PHACTR3: variants seen among roughly 807,000 people sequenced by gnomAD.
PHACTR3 encodes the protein protein phosphatase 1, regulatory subunit 123.
Under a neutral mutation model 66.8 loss-of-function variants are expected in PHACTR3, and 16 were observed. The ratio of observed to expected loss-of-function variants is 0.24; its 90% CI spans 0.16 to 0.36. The LOEUF is 0.36. Ranked by LOEUF, PHACTR3 falls within the 10% of genes least tolerant of loss-of-function variation. The pLI is 1.00. For missense variants in PHACTR3, 647 were observed against 719.9 expected (o/e 0.90, Z 1.16); for synonymous variants, 323 against 292.1 (o/e 1.11, Z -1.08).
intron 1 of PHACTR3, among the ~76,000 whole-genome samples, chr20:59,598,140 C>T (rs954860187): frequency 2.6e-5 from 4 of 152,170 alleles, no homozygotes; most frequent in African/African-American, 7.2e-5. Flanking sequence ...CCTTCCCTGT[C>T]GAAAGCCTCC....
intron 1 of PHACTR3, chr20:59,628,012 T>G (rs577237645): frequency 6.6e-6 from 1 of 152,364 alleles, no homozygotes; most frequent in South Asian, 2.1e-4. Flanking sequence ...AGTGCTTGCT[T>G]CCTTCTGCCC....
intron 8 of PHACTR3, among the ~76,000 whole-genome samples, chr20:59,810,581 G>C (rs755911242): frequency 2.0e-5 from 3 of 152,196 alleles, no homozygotes; most frequent in Admixed American, 6.5e-5. Flanking sequence ...CCATGGCAAC[G>C]TGCCATCTAC....
At chr20:59,769,909 T>G (rs2040307084) in intron 5 of PHACTR3, among the ~76,000 whole-genome samples, 2 of 152,234 alleles carry the variant, frequency 1.3e-5, no homozygotes, top group Non-Finnish European at 2.9e-5. Context: ...TACTTTGCAT[T>G]TTGTTATTGT....
At chr20:59,839,530 T>G (rs550125017) in intron 9 of PHACTR3, among the ~76,000 whole-genome samples, 3 of 152,326 alleles carry the variant, frequency 2.0e-5, no homozygotes, top group Admixed American at 1.3e-4. Context: ...TGGAGCTATG[T>G]TCAGGTCAGG....
intron 1 of PHACTR3, among the ~76,000 whole-genome samples, chr20:59,723,720 G>A (rs187230935): frequency 6.6e-6 from 1 of 152,066 alleles, no homozygotes; most frequent in Non-Finnish European, 1.5e-5. Flanking sequence ...GGAGTCGAAT[G>A]GTCATATGGC....
intron 1 of PHACTR3, among the ~76,000 whole-genome samples, chr20:59,611,130 T>C (rs892828662): frequency 6.6e-6 from 1 of 152,244 alleles, no homozygotes; most frequent in Non-Finnish European, 1.5e-5. Flanking sequence ...TGTGTGACTT[T>C]GGGCAAGTCA....
In PHACTR3 at chr20:59,774,206, G is replaced by T. The variant is rs539989155; in HGVS notation, c.927-37G>T. On this transcript the variant is annotated intron_variant, in intron 6 of 12. Transcript: ENST00000371015. Reference sequence around the variant, plus strand: ...AATCGTGCTGGGTTTCTGGGTGAAGGGGGTGACCTATAACCTGAACCATCT... The same window carrying T: ...AATCGTGCTGGGTTTCTGGGTGAAGTGGGTGACCTATAACCTGAACCATCT... 5 of 1,531,110 alleles carry T rather than the reference G, an allele frequency of 3.3e-6. No individual in the cohort carries two copies. The South Asian group carries it at 5.3e-5, about 16-fold the overall frequency. 94.8% of individuals were successfully genotyped at this position (1,531,110 alleles called of 1,614,324 possible).
chr20:59,743,117 C>T lies in PHACTR3; in HGVS notation c.129C>T (p.Asp43=). The T allele has an allele frequency of 6.2e-7, 1 of 1,613,270 alleles. No individual in the cohort carries two copies. The highest frequency in any genetic ancestry group is 8.5e-7 in the Non-Finnish European group (1 of 1,179,658). ...ADAGENPDEM[D]QTPPARPEYL... is the part of the protein sequence containing the mutation. ...GTTTTCGTCTTCCAGATGAGATGGA[C>T]CAAACGCCCCCGGCGCGTCCTGAAT... Residue 43 remains aspartate, a synonymous_variant, in exon 2 of 13, where the codon GAC becomes GAT. Coordinates refer to ENST00000371015, the MANE Select transcript of PHACTR3 (RefSeq NM_080672.5).
At chr20:59,777,455 G>C (rs946362) in intron 7 of PHACTR3, among the ~76,000 whole-genome samples, 57,084 of 151,918 alleles carry the variant, frequency 0.38, 13,165 homozygotes, top group East Asian at 0.68. Flanking sequence ...CCATCCCTGA[G>C]ATCTCTGTGG....
At chr20:59,802,279 G>A (rs1449818704) in intron 7 of PHACTR3, among the ~76,000 whole-genome samples, 1 of 152,164 alleles carries the variant, frequency 6.6e-6, no homozygotes, top group African/African-American at 2.4e-5. Context: ...GGTCATATAG[G>A]AAGCAAATGT....
At chr20:59,757,549 T>C (rs2146830931) in intron 4 of PHACTR3, among the ~76,000 whole-genome samples, 1 of 152,198 alleles carries the variant, frequency 6.6e-6, no homozygotes, top group East Asian at 1.9e-4. Context: ...GCATGAGCTC[T>C]GCAGGCTGGA....
At chr20:59,832,122 C>T (rs11908615) in intron 8 of PHACTR3, among the ~76,000 whole-genome samples, 6,291 of 152,232 alleles carry the variant, frequency 0.041, 396 homozygotes, top group African/African-American at 0.13. Flanking sequence ...CTGGTGTTGC[C>T]GGTGTTCCTC....
intron 1 of PHACTR3, among the ~76,000 whole-genome samples, chr20:59,589,982 C>T (rs978696367): frequency 6.6e-6 from 1 of 152,254 alleles, no homozygotes; most frequent in Non-Finnish European, 1.5e-5. Context: ...GCTCTTCCCT[C>T]CGCTTCTGTA....
At chr20:59,594,830 T>C (rs944204736) in intron 1 of PHACTR3, among the ~76,000 whole-genome samples, 1 of 152,208 alleles carries the variant, frequency 6.6e-6, no homozygotes, top group Non-Finnish European at 1.5e-5. Context: ...ATCTGCTTGC[T>C]TTGGATTTAA....
intron 7 of PHACTR3, among the ~76,000 whole-genome samples, chr20:59,800,918 C>A (rs904654385): frequency 1.4e-5 from 2 of 147,774 alleles, no homozygotes; most frequent in Non-Finnish European, 2.9e-5. Context: ...AGAGGCAGAA[C>A]CCCGTGTACT....
chr20:59,732,230 G>C (rs977353811), intron 1 of PHACTR3, among the ~76,000 whole-genome samples: 5 of 152,140 alleles, frequency 3.3e-5, no homozygotes, highest in African/African-American at 1.2e-4. Flanking sequence ...GGGAAACACC[G>C]GTGTCATGCC....
Position 59,611,776 on chromosome 20 carries a change from G to A in PHACTR3, c.118+6644G>A, listed in dbSNP as rs78524319. Among the ~76,000 whole-genome samples, 347 of 152,328 alleles carry A rather than the reference G, an allele frequency of 2.3e-3. 4 individuals are homozygous for A. The East Asian group carries it at 0.043, about 19-fold the overall frequency. ...CTCCCTTCCTGGCTCCCCAGCTTGT[G>A]AATGGAAATCTCCTAGGGTCCCCCA... On this transcript the variant is annotated intron_variant, in intron 1 of 12. Transcript: ENST00000371015.
chr20:59,722,751 G>A (rs141928129), intron 1 of PHACTR3, among the ~76,000 whole-genome samples: 14 of 152,198 alleles, frequency 9.2e-5, no homozygotes, highest in Non-Finnish European at 1.5e-4. Flanking sequence ...CAGCCATGGC[G>A]GAAGAGGAGC....
chr20:59,672,015 T>G (rs1417977902), intron 1 of PHACTR3, among the ~76,000 whole-genome samples: 1 of 152,266 alleles, frequency 6.6e-6, no homozygotes, highest in Non-Finnish European at 1.5e-5. Flanking sequence ...CAGCTAGAGA[T>G]TCTTCCCTAA....
Sources: gnomAD v4.1 joint callset for allele counts (sites outside exome capture counted in the v4.1 genomes callset) on GRCh38, gnomAD v4.1.1 for gene constraint, MANE v1.5 for transcripts, NCBI Gene and HGNC (gene_info 2026-07-23, HGNC 2026-07-21) for gene names.